Variants in THSD7B observed in about 807,000 individuals in gnomAD.
THSD7B encodes the protein thrombospondin type-1 domain-containing protein 7B.
Under a neutral mutation model 213.6 loss-of-function variants are expected in THSD7B, and 138 were observed. The observed-to-expected ratio is 0.65, with a 90% CI of 0.56 to 0.74. THSD7B has a LOEUF of 0.74. Among genes scored for constraint, THSD7B ranks in the 30% least tolerant of loss-of-function variants. The pLI is 0.00. For synonymous variants in THSD7B, 742 were observed against 687.0 expected (o/e 1.08, Z -1.25); for missense variants, 1,931 against 1,991.5 (o/e 0.97, Z 0.58).
intron 1 of THSD7B, among the ~76,000 whole-genome samples, chr2:136,840,676 A>G (rs1682908000): frequency 6.6e-6 from 1 of 152,166 alleles, no homozygotes; most frequent in African/African-American, 2.4e-5. Flanking sequence ...ACTTTATCCT[A>G]AAGATGGGGG....
At chr2:137,306,684 A>G (rs922940636) in intron 12 of THSD7B, among the ~76,000 whole-genome samples, 15 of 151,994 alleles carry the variant, frequency 9.9e-5, no homozygotes, top group African/African-American at 3.1e-4. Context: ...ATATCTTTAG[A>G]CTGATACATG....
chr2:137,312,505 C>T (rs1683943859), intron 12 of THSD7B, among the ~76,000 whole-genome samples: 1 of 150,898 alleles, frequency 6.6e-6, no homozygotes, highest in African/African-American at 2.5e-5. Flanking sequence ...TCTCTATTTC[C>T]TTCAGTTCTG....
At chr2:136,818,901 C>T (rs1682526313) in intron 1 of THSD7B, among the ~76,000 whole-genome samples, 1 of 151,982 alleles carries the variant, frequency 6.6e-6, no homozygotes, top group South Asian at 2.1e-4. Context: ...ATTTTAGGTG[C>T]TATCAGACTT....
chr2:137,247,340 G>A (rs6705521), intron 10 of THSD7B, among the ~76,000 whole-genome samples: 93,079 of 152,016 alleles, frequency 0.61, 29,257 homozygotes, highest in East Asian at 0.95. Flanking sequence ...CATGATGGCT[G>A]CACAAAGCAA....
Position 137,294,637 on chromosome 2 carries a change from A to G in THSD7B, c.2500+18611A>G, listed in dbSNP as rs950036061. Reference sequence around the variant, plus strand: ...AGAGAGACCACATTCATATAATTTTATTATAGTATATTATTAAAATTATCC... The same window carrying G: ...AGAGAGACCACATTCATATAATTTTGTTATAGTATATTATTAAAATTATCC... On this transcript the variant is annotated intron_variant, in intron 12 of 27. Coordinates refer to ENST00000409968, the MANE Select transcript of THSD7B (RefSeq NM_001316349.2). Among the ~76,000 whole-genome samples, 14 of 149,862 alleles carry G rather than the reference A, an allele frequency of 9.3e-5. No individual in the cohort carries two copies. The East Asian group carries it at 2.7e-3, about 29-fold the overall frequency.
At chr2:136,885,484 T>C (rs2104994646) in intron 2 of THSD7B, among the ~76,000 whole-genome samples, 1 of 152,284 alleles carries the variant, frequency 6.6e-6, no homozygotes, top group Middle Eastern at 3.4e-3. Context: ...CTATAATCTA[T>C]ATTGGTGTCA....
chr2:137,575,603 T>C (rs1681441805), intron 17 of THSD7B, among the ~76,000 whole-genome samples: 1 of 151,932 alleles, frequency 6.6e-6, no homozygotes. Flanking sequence ...TAAAACTGTA[T>C]TGGGAAAACC....
intron 21 of THSD7B, among the ~76,000 whole-genome samples, chr2:137,650,088 T>C (rs965616623): frequency 6.6e-6 from 1 of 152,204 alleles, no homozygotes; most frequent in Admixed American, 6.5e-5. Flanking sequence ...GAGTTCCATA[T>C]ACATTTTACG....
chr2:137,023,507 A>G (rs908124450), intron 2 of THSD7B, among the ~76,000 whole-genome samples: 1 of 152,220 alleles, frequency 6.6e-6, no homozygotes, highest in Admixed American at 6.5e-5. Flanking sequence ...GAGCAATGCC[A>G]TTTTAGTCAA....
At chr2:137,146,743 G>A (rs1323835739) in intron 5 of THSD7B, among the ~76,000 whole-genome samples, 1 of 152,080 alleles carries the variant, frequency 6.6e-6, no homozygotes, top group Non-Finnish European at 1.5e-5. Context: ...TATAGCATAT[G>A]TTTATTTGTG....
At chr2:137,303,694 T>TTATA (rs371066803) in intron 12 of THSD7B, among the ~76,000 whole-genome samples, 1 of 93,964 alleles carries the variant, frequency 1.1e-5, no homozygotes, top group Non-Finnish European at 1.9e-5. Flanking sequence ...TTATATATAT[T>TTATA]TATATATATT....
chr2:137,575,491 T>C (rs1681439574), intron 17 of THSD7B, among the ~76,000 whole-genome samples: 1 of 151,996 alleles, frequency 6.6e-6, no homozygotes, highest in African/African-American at 2.4e-5. Flanking sequence ...AAAGATAACT[T>C]TGAATGAATG....
intron 1 of THSD7B, among the ~76,000 whole-genome samples, chr2:136,767,403 G>A (rs1681420639): frequency 6.6e-6 from 1 of 150,570 alleles, no homozygotes; most frequent in Admixed American, 6.6e-5. Context: ...TCTGAGGGTA[G>A]TTGATCTAAT....
intron 2 of THSD7B, among the ~76,000 whole-genome samples, chr2:137,028,652 A>G (rs1421796170): frequency 6.6e-6 from 1 of 152,244 alleles, no homozygotes; most frequent in Non-Finnish European, 1.5e-5. Context: ...AAGCAAGTAA[A>G]TGAGGCAATG....
chr2:137,018,015 T>C (rs1686374334), intron 2 of THSD7B, among the ~76,000 whole-genome samples: 1 of 151,830 alleles, frequency 6.6e-6, no homozygotes, highest in Non-Finnish European at 1.5e-5. Flanking sequence ...TCTTTGGAGT[T>C]GATCCTTCTC....
chr2:136,780,181 C>T (rs570982012), intron 1 of THSD7B, among the ~76,000 whole-genome samples: 9 of 152,194 alleles, frequency 5.9e-5, no homozygotes, highest in East Asian at 1.9e-4. Context: ...CTGGGAAGTG[C>T]GAGATCAAGG....
chr2:137,141,789 C>G (rs1679592520), intron 5 of THSD7B, among the ~76,000 whole-genome samples: 1 of 151,986 alleles, frequency 6.6e-6, no homozygotes, highest in Admixed American at 6.6e-5. Flanking sequence ...ATAAAACACT[C>G]CTTCCCTGGG....
At chr2:137,114,895 TTAGTC>T (rs1453644457) in intron 4 of THSD7B, among the ~76,000 whole-genome samples, 1 of 152,146 alleles carries the variant, frequency 6.6e-6, no homozygotes, top group Non-Finnish European at 1.5e-5. Flanking sequence ...TCACGTTCCT[TTAGTC>T]CAGTCATCTT....
At chr2:137,140,757 C>T (rs1679563574) in intron 5 of THSD7B, among the ~76,000 whole-genome samples, 1 of 151,912 alleles carries the variant, frequency 6.6e-6, no homozygotes, top group Non-Finnish European at 1.5e-5. Context: ...ATAAACAAAG[C>T]AGTAAGTCTT....
Sources: allele counts gnomAD v4.1 joint callset (sites outside exome capture counted in the v4.1 genomes callset), GRCh38; gene constraint gnomAD v4.1.1; transcripts MANE v1.5; gene names NCBI Gene and HGNC (gene_info 2026-07-23, HGNC 2026-07-21).